NCAPH: variants seen among roughly 807,000 people sequenced by gnomAD.
NCAPH encodes non-SMC condensin I complex subunit H, also known as condensin complex subunit 2.
In NCAPH, 38 loss-of-function variants were observed where a neutral mutation model predicts 85.5. The observed-to-expected ratio is 0.44, with a 90% CI of 0.34 to 0.58. The LOEUF (loss-of-function observed/expected upper bound fraction) is 0.58. Ranked by LOEUF, NCAPH falls within the 20% of genes least tolerant of loss-of-function variation. The pLI is 0.01. For missense variants in NCAPH, 789 were observed against 916.6 expected (o/e 0.86, Z 1.80); for synonymous variants, 301 against 335.1 (o/e 0.90, Z 1.11).
intron 6 of NCAPH, among the ~76,000 whole-genome samples, chr2:96,349,613 C>G (rs185885452): frequency 6.6e-6 from 1 of 152,148 alleles, no homozygotes; most frequent in African/African-American, 2.4e-5. Context: ...AACTCCTGAC[C>G]TCAAGTGATC....
chr2:96,366,155 T>C lies in NCAPH; in HGVS notation c.1881+97T>C, dbSNP rs1573094795. On this transcript the variant is annotated intron_variant, in intron 14 of 17. Coordinates refer to ENST00000240423, the MANE Select transcript of NCAPH (RefSeq NM_015341.5). ...CGCAATCTGAGCTTGATTTCTTTTCTTCTCAGTTTTAACCTGTTGCTCTCC... is the reference window on the plus strand; with the variant it reads ...CGCAATCTGAGCTTGATTTCTTTTCCTCTCAGTTTTAACCTGTTGCTCTCC... 5.9e-6 allele frequency: 8 copies of C among 1,363,378 alleles called. No homozygotes were observed. The East Asian group carries it at 1.7e-4, about 30-fold the overall frequency. 84.5% of individuals were successfully genotyped at this position (1,363,378 alleles called of 1,614,324 possible). A position where few individuals can be genotyped will look rare whatever the true frequency, so the allele number is the denominator to read the frequency against.
In NCAPH at chr2:96,358,961, C is replaced by T. The variant is rs973350852; in HGVS notation, c.1209-84C>T. On this transcript the variant is annotated intron_variant, in intron 9 of 17. Coordinates refer to ENST00000240423, the MANE Select transcript of NCAPH (RefSeq NM_015341.5). The stretch of plus-strand genomic sequence containing the variant: ...TATTTGTATTGGACTCACAGAAATG[C>T]AGCTCATTTGCGGACATATGCTTCA... The T allele has an allele frequency of 1.2e-5, 16 of 1,334,574 alleles. No homozygotes were observed. The Admixed American group carries it at 2.9e-4, about 24-fold the overall frequency. 82.7% of individuals were successfully genotyped at this position (1,334,574 alleles called of 1,614,324 possible). A position where few individuals can be genotyped will look rare whatever the true frequency, so the allele number is the denominator to read the frequency against.
intron 4 of NCAPH, 94 bp from the exon 5 acceptor site, chr2:96,343,072 G>A: frequency 2.6e-6 from 4 of 1,521,224 alleles, no homozygotes; most frequent in Non-Finnish European, 3.6e-6. Flanking sequence ...CTTCCTTGGG[G>A]CAAGTAAATA....
intron 6 of NCAPH, among the ~76,000 whole-genome samples, chr2:96,350,714 C>G (rs961193030): frequency 6.6e-6 from 1 of 152,082 alleles, no homozygotes; most frequent in Non-Finnish European, 1.5e-5. Flanking sequence ...AGCTGAACCT[C>G]AGTTCTGATG....
Position 96,354,491 on chromosome 2 carries a change from T to TC in NCAPH, c.1208+111dup, listed in dbSNP as rs974214067. ...TAAAAAATTTTTCTTTCTTTTTTTTTCCCCCCCCAAAAATAGAGACGGGCA... is the reference window on the plus strand; with the variant it reads ...TAAAAAATTTTTCTTTCTTTTTTTTTCCCCCCCCCAAAAATAGAGACGGGCA... On this transcript the variant is annotated intron_variant, in intron 9 of 17. Transcript: ENST00000240423. The TC allele has an allele frequency of 3.2e-4, 319 of 996,666 alleles. No homozygotes were observed. In the Middle Eastern group the frequency reaches 3.5e-3, roughly 11 times the overall value. 61.7% of individuals were successfully genotyped at this position (996,666 alleles called of 1,614,324 possible). A position where few individuals can be genotyped will look rare whatever the true frequency, so the allele number is the denominator to read the frequency against.
chr2:96,349,511 A>G (rs1199228444), intron 6 of NCAPH, among the ~76,000 whole-genome samples: 1 of 151,962 alleles, frequency 6.6e-6, no homozygotes, highest in Non-Finnish European at 1.5e-5. Flanking sequence ...CCACCCAAGT[A>G]GCTGGGATTA....
chr2:96,339,481 A>T (rs537025558), intron 1 of NCAPH, among the ~76,000 whole-genome samples: 135 of 151,662 alleles, frequency 8.9e-4, no homozygotes, highest in African/African-American at 3.0e-3. Context: ...AGTCCCAGCT[A>T]CTCAGGAGGC....
rs2064474128 is a variant in NCAPH at position 96,353,361 on chromosome 2, C to G, written c.966C>G (p.Phe322Leu). The change falls in exon 8 of 18, where the codon TTC becomes TTG. Residue 322 changes from phenylalanine to leucine, a missense_variant. Phe to Leu is a conservative substitution (Grantham distance 22, BLOSUM62 0). Transcript: ENST00000240423. ...DRQICPSLAG[F>L]QFTQWDSETH... ...AGATCTGCCCTTCCCTGGCCGGGTT[C>G]CAGTTTACACAGTGGGACAGTGAAA... is the stretch of plus-strand genomic sequence containing the variant. 2.5e-6 allele frequency: 4 copies of G among 1,614,220 alleles called. No individual in the cohort carries two copies. Among genetic ancestry groups the G allele is most frequent in the Non-Finnish European group, 3.4e-6 (4 of 1,180,036 alleles).
chr2:96,374,977 G>A lies in NCAPH; in HGVS notation c.*1626G>A, dbSNP rs2064817087. Among the ~76,000 whole-genome samples the A allele has an allele frequency of 6.6e-6, 1 of 152,130 alleles. No individual in the cohort carries two copies. The highest frequency in any genetic ancestry group is 1.5e-5 in the Non-Finnish European group (1 of 68,042). ...AAATCCTAGCGCTTTGAAAGGAAGA[G>A]GCAGGAGGATTGCTTGAAGTCAGGA... On this transcript the variant is annotated 3_prime_UTR_variant, in exon 18 of 18. Coordinates refer to ENST00000240423, the MANE Select transcript of NCAPH (RefSeq NM_015341.5).
intron 1 of NCAPH, among the ~76,000 whole-genome samples, chr2:96,337,813 C>T (rs761155971): frequency 1.3e-5 from 2 of 152,074 alleles, no homozygotes; most frequent in Non-Finnish European, 1.5e-5. Flanking sequence ...CCTTGCTGAG[C>T]GCAAGCAGGC....
Position 96,364,598 on chromosome 2 carries a change from G to A in NCAPH, c.1698+7G>A. ...CTTTTGCCCTGGATTACAGGTAAAG[G>A]GGGGAAAGGGGCTCTGTCCTCTCTT... On this transcript the variant is annotated splice_region_variant and intron_variant, in intron 13 of 17. Coordinates refer to ENST00000240423, the MANE Select transcript of NCAPH (RefSeq NM_015341.5). The A allele has an allele frequency of 1.3e-6, 2 of 1,571,064 alleles. No homozygotes were observed.
In NCAPH at chr2:96,358,325, T is replaced by C. The variant is rs545411787; in HGVS notation, c.1209-720T>C. 4.1e-4 allele frequency among the ~76,000 whole-genome samples: 63 copies of C among 152,356 alleles called. 1 individual carries two copies. The highest frequency in any genetic ancestry group is 3.1e-3 in the Admixed American group (48 of 15,310). On this transcript the variant is annotated intron_variant, in intron 9 of 17. Transcript: ENST00000240423. ...AGCGGTATCTTTTGGAGCCCTCATT[T>C]ACAGAAGGATGGTGACGAATGAGGG...
intron 12 of NCAPH, among the ~76,000 whole-genome samples, chr2:96,361,039 C>G (rs2064600194): frequency 8.2e-6 from 1 of 122,514 alleles, no homozygotes; most frequent in South Asian, 3.8e-4. Context: ...TTTGCTTTCT[C>G]CTTTTTTTTT....
At chr2:96,361,749 G>GATATATATATATATATAC (rs1558800076) in intron 12 of NCAPH, among the ~76,000 whole-genome samples, 64 of 95,172 alleles carry the variant, frequency 6.7e-4, no homozygotes, top group Middle Eastern at 6.6e-3. Flanking sequence ...AGATTTTAAT[G>GATATATATATATATATAC]ATATATATAT....
intron 8 of NCAPH, among the ~76,000 whole-genome samples, chr2:96,353,706 C>A (rs2064481686): frequency 6.6e-6 from 1 of 152,088 alleles, no homozygotes; most frequent in Non-Finnish European, 1.5e-5. Flanking sequence ...ATGTGGTTAT[C>A]CCAGTGGCCT....
At chr2:96,369,306 T>C in intron 16 of NCAPH, 119 bp from the exon 17 acceptor site, 1 of 930,558 alleles carries the variant, frequency 1.1e-6, no homozygotes, top group East Asian at 2.4e-5. Flanking sequence ...ATAAAATGCA[T>C]CTGAAAGATT....
At chr2:96,361,077 C>T (rs866641955) in intron 12 of NCAPH, among the ~76,000 whole-genome samples, 3 of 79,894 alleles carry the variant, frequency 3.8e-5, no homozygotes, top group Non-Finnish European at 6.8e-5. Context: ...GACAGAGTTT[C>T]GCTCTTGTTG....
At position 96,351,812 on chromosome 2, in the gene NCAPH, C is replaced by T. The variant is rs566379794; in HGVS notation, c.721-19C>T. On this transcript the variant is annotated intron_variant, in intron 6 of 17. Coordinates refer to ENST00000240423, the MANE Select transcript of NCAPH (RefSeq NM_015341.5). ...GCTACATGCCGTAAATCTTCAGTTT[C>T]TTCTCTCTCTGTGTTCAGATTGATC... 76 of 1,562,336 alleles carry T rather than the reference C, an allele frequency of 4.9e-5. No individual in the cohort carries two copies. The South Asian group carries it at 8.9e-4, about 18-fold the overall frequency.
chr2:96,335,925 C>G, intron 1 of NCAPH, 77 bp downstream of exon 1: 1 of 1,344,394 alleles, frequency 7.4e-7, no homozygotes, highest in Non-Finnish European at 9.6e-7. Flanking sequence ...GGCTGGCGGG[C>G]TGGCCTGGGC....
Sources: gnomAD v4.1 joint callset for allele counts (sites outside exome capture counted in the v4.1 genomes callset) on GRCh38, gnomAD v4.1.1 for gene constraint, MANE v1.5 for transcripts, NCBI Gene and HGNC (gene_info 2026-07-23, HGNC 2026-07-21) for gene names.